Variants in NDUFAF7 observed in about 807,000 individuals in gnomAD.
The protein encoded by NDUFAF7 is NADH:ubiquinone oxidoreductase complex assembly factor 7, also known as protein arginine methyltransferase NDUFAF7, mitochondrial.
Under a neutral mutation model 47.2 loss-of-function variants are expected in NDUFAF7, and 48 were observed. The observed-to-expected ratio is 1.02, with a 90% CI of 0.81 to 1.29. The LOEUF (loss-of-function observed/expected upper bound fraction) is 1.29. Among genes scored for constraint, NDUFAF7 ranks in the 50% most tolerant of loss-of-function variants. The pLI is 0.00. For synonymous variants in NDUFAF7, 217 were observed against 190.0 expected (o/e 1.14, Z -1.17); for missense variants, 635 against 537.6 (o/e 1.18, Z -1.79).
the NDUFAF7 span, among the ~76,000 whole-genome samples, chr2:37,259,325 G>A: frequency 6.6e-4 from 101 of 152,256 alleles, 2 homozygotes; most frequent in Non-Finnish European, 5.0e-4. Flanking sequence ...TGCTCACTTC[G>A]TTCCCAGCCC....
intron 6 of NDUFAF7, 30 bp from the exon 7 acceptor site, chr2:37,243,833 A>C (rs773246893): frequency 6.3e-7 from 1 of 1,586,284 alleles, no homozygotes; most frequent in East Asian, 2.2e-5. Flanking sequence ...ACTTGCAAAA[A>C]TTTGTTTTTA....
At chr2:37,233,375 A>G (rs1448796325) in intron 2 of NDUFAF7, among the ~76,000 whole-genome samples, 3 of 152,230 alleles carry the variant, frequency 2.0e-5, no homozygotes, top group Non-Finnish European at 4.4e-5. Context: ...CACGCCTGTA[A>G]TCCCAGCACT....
At chr2:37,261,544 G>A in the NDUFAF7 span, among the ~76,000 whole-genome samples, 1 of 151,890 alleles carries the variant, frequency 6.6e-6, no homozygotes, top group Non-Finnish European at 1.5e-5. Context: ...ATTTTGCGAG[G>A]CCAAGGCAGG....
the NDUFAF7 span, among the ~76,000 whole-genome samples, chr2:37,262,493 C>T: frequency 1.8e-4 from 28 of 152,260 alleles, no homozygotes; most frequent in East Asian, 4.6e-3. Context: ...TTTATGAGAT[C>T]GTTTTCCAAG....
chr2:37,236,781 A>C (rs1048894713), intron 3 of NDUFAF7, among the ~76,000 whole-genome samples: 3 of 115,060 alleles, frequency 2.6e-5, no homozygotes, highest in African/African-American at 9.7e-5. Context: ...ACTCCGTCTC[A>C]AAAAAAAAAA....
At chr2:37,247,323 C>A in intron 8 of NDUFAF7, 133 bp from the exon 9 acceptor site, 2 of 1,093,190 alleles carry the variant, frequency 1.8e-6, no homozygotes, top group Non-Finnish European at 2.7e-6. Flanking sequence ...GTGTTCCCTG[C>A]CTAGAGAATT....
At chr2:37,256,849 G>A, downstream of NDUFAF7, 7 of 1,614,068 alleles carry the variant, frequency 4.3e-6, no homozygotes, top group Non-Finnish European at 5.9e-6. Context: ...CAGGGGCTAA[G>A]TATGCTGGAG....
At chr2:37,256,793 G>T, downstream of NDUFAF7, 2 of 1,613,908 alleles carry the variant, frequency 1.2e-6, no homozygotes, top group South Asian at 1.1e-5. Context: ...AACTCCCACT[G>T]ACCACATATC....
chr2:37,260,245 A>G, the NDUFAF7 span: 7 of 1,611,672 alleles, frequency 4.3e-6, 1 homozygote, highest in Non-Finnish European at 5.9e-6. Flanking sequence ...GAATTTAGTA[A>G]TTCGTTCTGG....
At chr2:37,251,976 A>G (rs1361970237), downstream of NDUFAF7, 2 of 152,198 alleles carry the variant, frequency 1.3e-5, no homozygotes, top group African/African-American at 4.8e-5. Flanking sequence ...TTTGGGGAAG[A>G]TATTTAAAAA....
In NDUFAF7 at chr2:37,231,779, G is replaced by C; in HGVS notation, c.55+19G>C. On this transcript the variant is annotated intron_variant, in intron 1 of 9. Transcript: ENST00000002125. ...CGCGCAGGTAAGCGTCAGTCCCCTCGAAGCCCGGTTGCCGTGGAAGCCGCG... is the reference window on the plus strand; with the variant it reads ...CGCGCAGGTAAGCGTCAGTCCCCTCCAAGCCCGGTTGCCGTGGAAGCCGCG... 1 of 1,614,064 alleles carries C rather than the reference G, an allele frequency of 6.2e-7. No homozygotes were observed. The highest frequency in any genetic ancestry group is 1.1e-5 in the South Asian group (1 of 91,070).
In NDUFAF7 at chr2:37,247,310, T is replaced by A. The variant is rs1667033651; in HGVS notation, c.937-146T>A. ...TGCATATACTTTGTAAAACACTGCC[T>A]AGGTGTTCCCTGCCTAGAGAATTAA... On this transcript the variant is annotated intron_variant, in intron 8 of 9. Transcript: ENST00000002125. 4 of 939,360 alleles carry A rather than the reference T, an allele frequency of 4.3e-6. No homozygotes were observed. The East Asian group carries it at 1.1e-4, about 25-fold the overall frequency. The allele number at this position is 939,360 out of a possible 1,614,324, so 58.2% of individuals were successfully genotyped here.
chr2:37,269,186 G>A, the NDUFAF7 span: 3 of 190,148 alleles, frequency 1.6e-5, no homozygotes, highest in Non-Finnish European at 3.4e-5. Context: ...ATCCTAAATC[G>A]CAAAGTTGGA....
At chr2:37,233,125 T>G (rs543084294) in intron 2 of NDUFAF7, among the ~76,000 whole-genome samples, 1 of 152,086 alleles carries the variant, frequency 6.6e-6, no homozygotes, top group Non-Finnish European at 1.5e-5. Flanking sequence ...TGCCGATGGA[T>G]TGAGTGATGG....
At chr2:37,265,684 G>C in the NDUFAF7 span, among the ~76,000 whole-genome samples, 1 of 152,098 alleles carries the variant, frequency 6.6e-6, no homozygotes, top group South Asian at 2.1e-4. Flanking sequence ...ATAAATATCT[G>C]ACATAAACAA....
At chr2:37,247,991 GTACTC>G in intron 9 of NDUFAF7, 139 bp from the exon 10 acceptor site, 1 of 736,018 alleles carries the variant, frequency 1.4e-6, no homozygotes, top group Non-Finnish European at 2.3e-6. Context: ...TTTTTAATAA[GTACTC>G]TATGATTCTC....
chr2:37,246,442 T>C lies in NDUFAF7; in HGVS notation c.936+247T>C, dbSNP rs11897101. Among the ~76,000 whole-genome samples, 33,310 of 152,096 alleles carry C rather than the reference T, an allele frequency of 0.22. 4,789 individuals carry two copies. The highest frequency in any genetic ancestry group is 0.65 in the East Asian group (3,365 of 5,182). ...TCCTTAGTTGTAGAACCTATGTTTA[T>C]ATAAATCCAGATAAGCAGCTGAATA... On this transcript the variant is annotated intron_variant, in intron 8 of 9. Coordinates refer to ENST00000002125, the MANE Select transcript of NDUFAF7 (RefSeq NM_144736.5).
chr2:37,261,761 CAA>C, the NDUFAF7 span, among the ~76,000 whole-genome samples: 13 of 152,324 alleles, frequency 8.5e-5, no homozygotes, highest in African/African-American at 2.9e-4. Flanking sequence ...GCCTGGGCAA[CAA>C]GAGCAAAACT....
At position 37,246,050 on chromosome 2, in the gene NDUFAF7, A is replaced by G. The variant is rs1666862592; in HGVS notation, c.793-2A>G. ...TGACTCTTGCAATGATCCCTTTACTAGCATGACGAAACAAGGGATCATGTT... is the reference window on the plus strand; with the variant it reads ...TGACTCTTGCAATGATCCCTTTACTGGCATGACGAAACAAGGGATCATGTT... On this transcript the variant is annotated splice_acceptor_variant, in intron 7 of 9. Transcript: ENST00000002125. LOFTEE classifies it high-confidence loss of function. 1 of 1,613,570 alleles carries G rather than the reference A, an allele frequency of 6.2e-7. No individual in the cohort carries two copies. The highest frequency in any genetic ancestry group is 1.3e-5 in the African/African-American group (1 of 74,916).
Sources: gnomAD v4.1 joint callset for allele counts (sites outside exome capture counted in the v4.1 genomes callset) on GRCh38, gnomAD v4.1.1 for gene constraint, MANE v1.5 for transcripts, NCBI Gene and HGNC (gene_info 2026-07-23, HGNC 2026-07-21) for gene names.